EYS: variants seen among roughly 807,000 people sequenced by gnomAD.
EYS encodes the protein EGF-like photoreceptor maintenance factor, also known as protein eyes shut homolog.
In EYS, 250 loss-of-function variants were observed where a neutral mutation model predicts 282.1. That is an observed-to-expected ratio of 0.89 (90% CI 0.80 to 0.98). The LOEUF is 0.98. EYS is among the 50% of genes least tolerant of loss of function. The pLI is 0.00. For missense variants in EYS, 4,016 were observed against 3,709.0 expected (o/e 1.08, Z -2.15); for synonymous variants, 1,355 against 1,282.9 (o/e 1.06, Z -1.20).
At chr6:65,252,709 G>A (rs1767358920) in intron 12 of EYS, among the ~76,000 whole-genome samples, 2 of 151,846 alleles carry the variant, frequency 1.3e-5, no homozygotes, top group South Asian at 4.1e-4. Flanking sequence ...GTAAATAATT[G>A]AGAACACTAC....
At chr6:64,849,239 T>C (rs1441438564) in intron 19 of EYS, among the ~76,000 whole-genome samples, 2 of 151,682 alleles carry the variant, frequency 1.3e-5, no homozygotes, top group Non-Finnish European at 2.9e-5. Flanking sequence ...GTTTACTGAC[T>C]TTATATTTTT....
At chr6:64,801,497 A>G (rs915120336) in intron 22 of EYS, among the ~76,000 whole-genome samples, 2 of 151,722 alleles carry the variant, frequency 1.3e-5, no homozygotes, top group African/African-American at 2.4e-5. Flanking sequence ...TTTTGTATCC[A>G]CTTTTTAAAA....
At chr6:65,701,186 T>C (rs1554225628) in intron 1 of EYS, among the ~76,000 whole-genome samples, 1 of 152,172 alleles carries the variant, frequency 6.6e-6, no homozygotes, top group Non-Finnish European at 1.5e-5. Flanking sequence ...TATTTGACTA[T>C]GAATATAAAA....
intron 7 of EYS, among the ~76,000 whole-genome samples, chr6:65,401,452 T>G (rs148486765): frequency 6.6e-6 from 1 of 151,436 alleles, no homozygotes; most frequent in Non-Finnish European, 1.5e-5. Flanking sequence ...TACTAGCACA[T>G]TGAGGCATAG....
chr6:64,957,007 C>A (rs1414296756), intron 14 of EYS, among the ~76,000 whole-genome samples: 3 of 152,106 alleles, frequency 2.0e-5, no homozygotes, highest in African/African-American at 7.2e-5. Flanking sequence ...CTATGGAAAA[C>A]AATTTGAGGT....
intron 22 of EYS, among the ~76,000 whole-genome samples, chr6:64,758,783 G>A (rs533911446): frequency 6.6e-6 from 1 of 152,212 alleles, no homozygotes; most frequent in African/African-American, 2.4e-5. Context: ...TCTACCCTTT[G>A]GGCAAAGAGT....
intron 13 of EYS, among the ~76,000 whole-genome samples, chr6:65,015,642 C>T (rs1023538054): frequency 2.5e-4 from 38 of 152,118 alleles, no homozygotes; most frequent in Non-Finnish European, 1.0e-4. Flanking sequence ...CACATTTTAT[C>T]TGCATACATA....
At chr6:64,475,507 C>G (rs1486309981) in intron 26 of EYS, among the ~76,000 whole-genome samples, 1 of 66,996 alleles carries the variant, frequency 1.5e-5, no homozygotes, top group African/African-American at 4.6e-5. Flanking sequence ...GCCGAGATCC[C>G]GCCACTGCAC....
chr6:65,331,255 A>G (rs1227037287), intron 11 of EYS: 5 of 642,950 alleles, frequency 7.8e-6, no homozygotes, highest in Admixed American at 6.4e-5. Flanking sequence ...TAGCTAATTT[A>G]AGGCCTAATA....
intron 19 of EYS, among the ~76,000 whole-genome samples, chr6:64,834,306 G>A (rs1435164261): frequency 6.6e-6 from 1 of 151,822 alleles, no homozygotes; most frequent in Non-Finnish European, 1.5e-5. Flanking sequence ...AACCCCTTCT[G>A]TGTAAAGAGG....
At chr6:64,804,215 T>C (rs184886754) in intron 22 of EYS, among the ~76,000 whole-genome samples, 130 of 152,336 alleles carry the variant, frequency 8.5e-4, no homozygotes, top group African/African-American at 3.1e-3. Flanking sequence ...TCAGTTAAAA[T>C]AGTTTGAACT....
chr6:64,517,796 A>G (rs1562037500), intron 26 of EYS, among the ~76,000 whole-genome samples: 1 of 151,912 alleles, frequency 6.6e-6, no homozygotes, highest in Non-Finnish European at 1.5e-5. Context: ...AGAACTGTAC[A>G]TGTACACATT....
intron 22 of EYS, among the ~76,000 whole-genome samples, chr6:64,761,777 G>T (rs570633213): frequency 6.6e-6 from 1 of 151,990 alleles, no homozygotes; most frequent in Non-Finnish European, 1.5e-5. Flanking sequence ...ATTCTTCGAG[G>T]ACTAAAGAAC....
At chr6:65,263,532 T>C (rs982453421) in intron 12 of EYS, among the ~76,000 whole-genome samples, 11 of 152,122 alleles carry the variant, frequency 7.2e-5, no homozygotes, top group Non-Finnish European at 1.2e-4. Context: ...AAAGTCAGTT[T>C]TAAAACAGGC....
intron 35 of EYS, among the ~76,000 whole-genome samples, chr6:63,869,713 A>G (rs1246936571): frequency 1.3e-5 from 2 of 152,190 alleles, no homozygotes; most frequent in Non-Finnish European, 2.9e-5. Flanking sequence ...AAAAGGAGGT[A>G]AGAATAAATG....
intron 22 of EYS, among the ~76,000 whole-genome samples, chr6:64,656,018 G>A (rs1768730733): frequency 6.6e-6 from 1 of 152,032 alleles, no homozygotes; most frequent in African/African-American, 2.4e-5. Context: ...AAAGTTAACA[G>A]CATCACTTTT....
intron 31 of EYS, among the ~76,000 whole-genome samples, chr6:64,182,100 AGT>A (rs1180269602): frequency 2.6e-5 from 4 of 152,202 alleles, no homozygotes; most frequent in Non-Finnish European, 5.9e-5. Flanking sequence ...GCAGAATTAT[AGT>A]GTGAAATAAA....
In EYS at chr6:65,553,742, C is replaced by T. The variant is rs551339606; in HGVS notation, c.-332-57749G>A. Among the ~76,000 whole-genome samples the T allele has an allele frequency of 4.6e-5, 7 of 151,866 alleles. No individual in the cohort carries two copies. The East Asian group carries it at 5.8e-4, about 13-fold the overall frequency. On this transcript the variant is annotated intron_variant, in intron 2 of 42. Transcript: ENST00000503581. ...GTTATATGTAGTTAATTTTTGCCAACGTATTAGAACATGAGGTGTTCTGTA... is the reference window on the plus strand; with the variant it reads ...GTTATATGTAGTTAATTTTTGCCAATGTATTAGAACATGAGGTGTTCTGTA...
chr6:65,022,771 A>T (rs1465796343), intron 13 of EYS, among the ~76,000 whole-genome samples: 2 of 151,406 alleles, frequency 1.3e-5, no homozygotes, highest in Non-Finnish European at 2.9e-5. Flanking sequence ...GCATCTACAT[A>T]AGTCAGTATT....
Sources: gnomAD v4.1 joint callset for allele counts (sites outside exome capture counted in the v4.1 genomes callset) on GRCh38, gnomAD v4.1.1 for gene constraint, MANE v1.5 for transcripts, NCBI Gene and HGNC (gene_info 2026-07-23, HGNC 2026-07-21) for gene names.